The following CSMD1 variants were observed in gnomAD, a reference collection of about 807,000 sequenced individuals.
CSMD1 encodes CUB and sushi domain-containing protein 1.
CSMD1 carries 213 observed loss-of-function variants against 417.5 expected under a neutral mutation model. The observed-to-expected ratio is 0.51, with a 90% CI of 0.46 to 0.57. The LOEUF is 0.57. CSMD1 is among the 20% of genes least tolerant of loss of function. The pLI is 0.00. For synonymous variants in CSMD1, 2,862 were observed against 1,736.8 expected (o/e 1.65, Z -16.11); for missense variants, 6,923 against 4,529.7 (o/e 1.53, Z -15.17).
At chr8:3,608,781 A>T (rs573125720) in intron 8 of CSMD1, among the ~76,000 whole-genome samples, 5 of 147,132 alleles carry the variant, frequency 3.4e-5, no homozygotes, top group African/African-American at 1.3e-4. Context: ...AAAAAAAATC[A>T]TAACGTCCAG....
chr8:3,775,709 T>C (rs917812343), intron 5 of CSMD1, among the ~76,000 whole-genome samples: 3 of 152,244 alleles, frequency 2.0e-5, no homozygotes, highest in Non-Finnish European at 4.4e-5. Context: ...TCCTAAATGA[T>C]GCACGCAAAC....
At chr8:4,324,290 C>T (rs901871313) in intron 3 of CSMD1, among the ~76,000 whole-genome samples, 6 of 152,164 alleles carry the variant, frequency 3.9e-5, no homozygotes, top group Non-Finnish European at 8.8e-5. Context: ...TCACTAACTG[C>T]GTATTCCATT....
Position 3,898,019 on chromosome 8 carries a change from G to C in CSMD1, c.818+99884C>G, listed in dbSNP as rs184413879. 1.5e-3 allele frequency among the ~76,000 whole-genome samples: 232 copies of C among 152,296 alleles called. 1 individual carries two copies. In the Middle Eastern group the frequency reaches 0.017, roughly 11 times the overall value. On this transcript the variant is annotated intron_variant, in intron 5 of 69. Transcript: ENST00000635120. ...CTCCTAGGAGGTGCCCAGATCCCCA[G>C]TTTGACAATGCTATTCTTACCACCT...
intron 3 of CSMD1, among the ~76,000 whole-genome samples, chr8:4,089,073 G>C (rs1800580236): frequency 6.6e-6 from 1 of 152,212 alleles, no homozygotes; most frequent in African/African-American, 2.4e-5. Flanking sequence ...CAGAGCTTCT[G>C]ACAAATAGTA....
intron 3 of CSMD1, among the ~76,000 whole-genome samples, chr8:4,374,277 C>A (rs1196528534): frequency 6.6e-6 from 1 of 152,088 alleles, no homozygotes; most frequent in Non-Finnish European, 1.5e-5. Flanking sequence ...TTAATACAGC[C>A]TACCTACTGT....
At chr8:3,956,168 G>C (rs935194369) in intron 5 of CSMD1, among the ~76,000 whole-genome samples, 4 of 120,068 alleles carry the variant, frequency 3.3e-5, no homozygotes, top group South Asian at 2.4e-4. Context: ...GATGCAAAAA[G>C]GTTGTACAAT....
intron 1 of CSMD1, among the ~76,000 whole-genome samples, chr8:4,724,491 G>A (rs186395415): frequency 1.3e-5 from 2 of 149,976 alleles, no homozygotes; most frequent in East Asian, 2.0e-4. Flanking sequence ...ATCTTTATAA[G>A]TACTAATATA....
chr8:4,032,206 C>T (rs563134500), intron 3 of CSMD1, 107 bp from the exon 4 acceptor site: 1 of 732,820 alleles, frequency 1.4e-6, no homozygotes, highest in Admixed American at 3.1e-5. Context: ...ATGAGAAAAC[C>T]TCTAGCATCA....
intron 3 of CSMD1, among the ~76,000 whole-genome samples, chr8:4,418,482 A>C (rs1797070609): frequency 6.6e-6 from 1 of 152,178 alleles, no homozygotes; most frequent in South Asian, 2.1e-4. Flanking sequence ...GGAATCTAAC[A>C]AGACCACCTT....
intron 21 of CSMD1, among the ~76,000 whole-genome samples, chr8:3,357,684 G>C (rs1808884236): frequency 6.6e-6 from 1 of 152,116 alleles, no homozygotes; most frequent in Non-Finnish European, 1.5e-5. Flanking sequence ...TGGGGGTTTT[G>C]TCCAGATTTC....
intron 41 of CSMD1, among the ~76,000 whole-genome samples, chr8:3,120,228 G>C (rs1817118558): frequency 6.6e-6 from 1 of 152,150 alleles, no homozygotes; most frequent in Non-Finnish European, 1.5e-5. Context: ...GGAACACAAA[G>C]AGCTTGATGC....
intron 1 of CSMD1, among the ~76,000 whole-genome samples, chr8:4,762,643 T>C (rs1812190945): frequency 6.6e-6 from 1 of 152,140 alleles, no homozygotes; most frequent in African/African-American, 2.4e-5. Context: ...ACGCAGCGTC[T>C]CCACCTCTGC....
intron 3 of CSMD1, among the ~76,000 whole-genome samples, chr8:4,246,355 T>A (rs1016928877): frequency 1.3e-5 from 2 of 152,146 alleles, no homozygotes; most frequent in Non-Finnish European, 2.9e-5. Flanking sequence ...ACACGGTCAG[T>A]CCTTAGAAGA....
At chr8:3,860,341 T>C (rs1473453763) in intron 5 of CSMD1, among the ~76,000 whole-genome samples, 2 of 152,188 alleles carry the variant, frequency 1.3e-5, no homozygotes, top group African/African-American at 2.4e-5. Context: ...CCAGCAAGTA[T>C]AGGGCAATTT....
intron 23 of CSMD1, among the ~76,000 whole-genome samples, chr8:3,338,523 C>A (rs1210957662): frequency 1.3e-5 from 2 of 152,154 alleles, no homozygotes; most frequent in East Asian, 3.9e-4. Flanking sequence ...GGTTGTGGGG[C>A]AGGATGAAGA....
chr8:3,096,826 C>A (rs3112), intron 47 of CSMD1, 23 bp downstream of exon 47: 913,544 of 1,478,990 alleles, frequency 0.62, 284,494 homozygotes, highest in African/African-American at 0.75. Context: ...GGTCACTGCT[C>A]TACAAAGATT....
chr8:4,086,970 C>A (rs1464300742), intron 3 of CSMD1, among the ~76,000 whole-genome samples: 1 of 152,198 alleles, frequency 6.6e-6, no homozygotes, highest in Non-Finnish European at 1.5e-5. Flanking sequence ...CCAGATTGCT[C>A]TGAGCTTCTG....
chr8:4,143,578 G>A (rs34566854), intron 3 of CSMD1, among the ~76,000 whole-genome samples: 1 of 150,690 alleles, frequency 6.6e-6, no homozygotes, highest in Admixed American at 6.6e-5. Flanking sequence ...ACCCACAGTT[G>A]TCAACCCCTT....
intron 7 of CSMD1, among the ~76,000 whole-genome samples, chr8:3,642,732 G>C (rs1253408235): frequency 6.6e-6 from 1 of 152,034 alleles, no homozygotes; most frequent in Non-Finnish European, 1.5e-5. Flanking sequence ...GTAAAAGAAA[G>C]ACTAGAAAAC....
Sources: allele counts gnomAD v4.1 joint callset (sites outside exome capture counted in the v4.1 genomes callset), GRCh38; gene constraint gnomAD v4.1.1; transcripts MANE v1.5; gene names NCBI Gene and HGNC (gene_info 2026-07-23, HGNC 2026-07-21).